The following GRIK2 variants were observed in gnomAD, a reference collection of about 807,000 sequenced individuals.
GRIK2 encodes glutamate receptor ionotropic, kainate 2.
In GRIK2, 32 loss-of-function variants were observed where a neutral mutation model predicts 100.3. The ratio of observed to expected loss-of-function variants is 0.32; its 90% CI spans 0.24 to 0.43. GRIK2 has a LOEUF of 0.43. GRIK2 is among the 20% of genes least tolerant of loss of function. The probability of loss-of-function intolerance (pLI) is 1.00; values close to 1 mark genes in which losing one functional copy is unlikely to be tolerated. For synonymous variants in GRIK2, 417 were observed against 389.4 expected, an observed-to-expected ratio of 1.07 and a Z score of -0.83; for missense variants, 843 against 1,114.9, an observed-to-expected ratio of 0.76 and a Z score of 3.47.
intron 11 of GRIK2, among the ~76,000 whole-genome samples, chr6:101,864,175 A>G (rs1784913783): frequency 6.6e-6 from 1 of 151,720 alleles, no homozygotes; most frequent in African/African-American, 2.4e-5. Context: ...GATGTGGATT[A>G]AATGTTAATA....
At chr6:101,898,159 CCCCTCA>C (rs1253364904) in intron 12 of GRIK2, among the ~76,000 whole-genome samples, 1 of 151,728 alleles carries the variant, frequency 6.6e-6, no homozygotes, top group Non-Finnish European at 1.5e-5. Context: ...CAGCCCCCAG[CCCCTCA>C]CCCTCACCAC....
At chr6:101,649,405 A>G (rs1459317447) in intron 4 of GRIK2, among the ~76,000 whole-genome samples, 3 of 152,090 alleles carry the variant, frequency 2.0e-5, no homozygotes, top group Admixed American at 1.3e-4. Context: ...TCTTAAGTCC[A>G]TGCTTTTGTC....
At chr6:101,523,252 C>T (rs1455539557) in intron 2 of GRIK2, among the ~76,000 whole-genome samples, 1 of 152,078 alleles carries the variant, frequency 6.6e-6, no homozygotes, top group Non-Finnish European at 1.5e-5. Context: ...TCCTCCCTCA[C>T]CCAATTAACA....
chr6:101,987,005 T>A (rs901214046), intron 14 of GRIK2, among the ~76,000 whole-genome samples: 3 of 151,638 alleles, frequency 2.0e-5, no homozygotes, highest in Non-Finnish European at 2.9e-5. Context: ...TAGCTGAGTC[T>A]GGTGGCACGC....
intron 14 of GRIK2, among the ~76,000 whole-genome samples, chr6:102,006,234 ATTAT>A (rs1795217838): frequency 6.6e-6 from 1 of 151,774 alleles, no homozygotes; most frequent in African/African-American, 2.4e-5. Flanking sequence ...ACTTTCAAAA[ATTAT>A]TTAATTCTGT....
chr6:102,062,810 G>A (rs1357431846), intron 16 of GRIK2, among the ~76,000 whole-genome samples: 1 of 150,340 alleles, frequency 6.7e-6, no homozygotes, highest in Non-Finnish European at 1.5e-5. Flanking sequence ...AATTTAACGG[G>A]TCACATTAAA....
intron 14 of GRIK2, among the ~76,000 whole-genome samples, chr6:102,016,410 G>A (rs1419034896): frequency 5.3e-5 from 8 of 151,928 alleles, no homozygotes; most frequent in Non-Finnish European, 1.0e-4. Flanking sequence ...CTTGAAGACT[G>A]TTTTTCTGAA....
chr6:101,913,175 A>G (rs1788867098), intron 12 of GRIK2, among the ~76,000 whole-genome samples: 1 of 151,578 alleles, frequency 6.6e-6, no homozygotes. Context: ...CTAGCTATCA[A>G]TATTACTACA....
chr6:101,588,681 C>CACACACAG (rs1313813562), intron 2 of GRIK2, among the ~76,000 whole-genome samples: 5 of 140,920 alleles, frequency 3.5e-5, no homozygotes, highest in Non-Finnish European at 7.7e-5. Context: ...CACACACACA[C>CACACACAG]ACAGAAAAGA....
At chr6:101,779,344 A>G (rs1189675370) in intron 7 of GRIK2, among the ~76,000 whole-genome samples, 1 of 152,140 alleles carries the variant, frequency 6.6e-6, no homozygotes. Context: ...TAGGTATAAG[A>G]TACACCAAGC....
chr6:101,605,012 A>C (rs917614450), intron 2 of GRIK2, among the ~76,000 whole-genome samples: 7 of 151,954 alleles, frequency 4.6e-5, no homozygotes, highest in African/African-American at 1.7e-4. Context: ...GAATGAAACA[A>C]TTTCATTAAT....
chr6:101,829,654 A>G (rs1782552875), intron 10 of GRIK2, among the ~76,000 whole-genome samples: 1 of 151,974 alleles, frequency 6.6e-6, no homozygotes, highest in South Asian at 2.1e-4. Flanking sequence ...ATAGCCATAA[A>G]AATATAAAGA....
At chr6:101,626,234 A>T (rs1562269194) in intron 3 of GRIK2, 146 bp from the exon 4 acceptor site, 1 of 720,420 alleles carries the variant, frequency 1.4e-6, no homozygotes, top group East Asian at 2.6e-5. Flanking sequence ...ACAAAATTTT[A>T]AATTAGTGAA....
intron 4 of GRIK2, among the ~76,000 whole-genome samples, chr6:101,642,910 G>A (rs1480501106): frequency 3.3e-5 from 5 of 151,390 alleles, no homozygotes; most frequent in Admixed American, 3.3e-4. Context: ...TATTTTAATT[G>A]TACTCATGTT....
At chr6:102,023,605 G>C (rs944432237) in intron 14 of GRIK2, among the ~76,000 whole-genome samples, 2 of 151,504 alleles carry the variant, frequency 1.3e-5, no homozygotes, top group Non-Finnish European at 3.0e-5. Context: ...AGAAAGTTTT[G>C]AGTGTCAGGA....
intron 2 of GRIK2, among the ~76,000 whole-genome samples, chr6:101,460,420 T>A (rs1476160665): frequency 6.6e-6 from 1 of 152,214 alleles, no homozygotes; most frequent in Non-Finnish European, 1.5e-5. Flanking sequence ...TGTTTCTTCT[T>A]AAATAGATGA....
At position 101,972,946 on chromosome 6, in the gene GRIK2, C is replaced by T. The variant is rs147871757; in HGVS notation, c.2085+44314C>T. ...CAGTACCATGCTGTTTTGATTATTG[C>T]AGCCTTATAGTTTAGTTTGAAGCCA... On this transcript the variant is annotated intron_variant, in intron 14 of 16. Coordinates refer to ENST00000369134, the MANE Select transcript of GRIK2 (RefSeq NM_021956.5). Among the ~76,000 whole-genome samples the T allele has an allele frequency of 5.4e-3, 827 of 151,830 alleles. 2 individuals are homozygous for T. Among genetic ancestry groups the T allele is most frequent in the Non-Finnish European group, 8.6e-3 (584 of 67,828 alleles).
intron 7 of GRIK2, among the ~76,000 whole-genome samples, chr6:101,707,590 G>GTATATATATA (rs1449124596): frequency 1.0e-4 from 13 of 129,474 alleles, no homozygotes; most frequent in South Asian, 5.0e-4. Flanking sequence ...GTGTGTGTGT[G>GTATATATATA]TGTGTATATA....
intron 14 of GRIK2, among the ~76,000 whole-genome samples, chr6:101,983,479 G>A (rs1192505417): frequency 6.6e-6 from 1 of 151,706 alleles, no homozygotes; most frequent in East Asian, 1.9e-4. Flanking sequence ...AAAATCCTTA[G>A]TGTAACTGCA....
Sources: allele counts gnomAD v4.1 joint callset (sites outside exome capture counted in the v4.1 genomes callset), GRCh38; gene constraint gnomAD v4.1.1; transcripts MANE v1.5; gene names NCBI Gene and HGNC (gene_info 2026-07-23, HGNC 2026-07-21).